ZC3H12B: variants seen among roughly 807,000 people sequenced by gnomAD.
ZC3H12B encodes zinc finger CCCH-type containing 12B, also known as probable ribonuclease ZC3H12B.
A neutral mutation model predicts 43.9 loss-of-function variants in ZC3H12B; 7 were observed. That is an observed-to-expected ratio of 0.16 (90% confidence interval 0.09 to 0.30). The LOEUF (loss-of-function observed/expected upper bound fraction) is 0.30, where lower values mean the gene tolerates loss of function less well. ZC3H12B is among the 10% of genes least tolerant of loss of function. The pLI is 1.00. For synonymous variants in ZC3H12B, 222 were observed against 241.7 expected (o/e 0.92, Z 0.76); for missense variants, 475 against 670.2 (o/e 0.71, Z 3.22).
chrX:65,213,008 AT>A, the ZC3H12B span, among the ~76,000 whole-genome samples: 6 of 106,802 alleles, frequency 5.6e-5, no homozygotes, highest in South Asian at 1.6e-3. Context: ...TGGTTTTTGA[AT>A]TTTTTTCACT....
At chrX:65,246,661 A>T in the ZC3H12B span, among the ~76,000 whole-genome samples, 1 of 112,383 alleles carries the variant, frequency 8.9e-6, no homozygotes, top group Non-Finnish European at 1.9e-5. Flanking sequence ...TGGGGAAAAG[A>T]TTCCTTGTTC....
At chrX:65,389,210 T>C (rs2066575573) in intron 2 of ZC3H12B, among the ~76,000 whole-genome samples, 1 of 112,434 alleles carries the variant, frequency 8.9e-6, no homozygotes, top group Non-Finnish European at 1.9e-5. Context: ...CTGCCTTTTG[T>C]TTGGCTATGC....
chrX:65,495,840 T>C (rs748828633), intron 1 of ZC3H12B, among the ~76,000 whole-genome samples: 5 of 112,288 alleles, frequency 4.5e-5, no homozygotes, highest in Non-Finnish European at 7.5e-5. Context: ...TCTCCTTTAT[T>C]TCATGTTCTG....
the ZC3H12B span, among the ~76,000 whole-genome samples, chrX:65,040,888 G>T: frequency 2.3e-4 from 25 of 110,900 alleles, no homozygotes; most frequent in Non-Finnish European, 1.5e-4. Flanking sequence ...TGGCTCAAGC[G>T]ATCCTCCCAC....
chrX:65,056,081 G>A, the ZC3H12B span, among the ~76,000 whole-genome samples: 8 of 111,460 alleles, frequency 7.2e-5, no homozygotes, highest in Non-Finnish European at 1.5e-4. Context: ...TTCTGTGTCT[G>A]TATCTCCTAC....
At chrX:65,255,181 A>T in the ZC3H12B span, among the ~76,000 whole-genome samples, 1 of 111,576 alleles carries the variant, frequency 9.0e-6, no homozygotes, top group Non-Finnish European at 1.9e-5. Flanking sequence ...TTCACTAAAG[A>T]GGCCAACATT....
chrX:65,207,042 C>T, the ZC3H12B span, among the ~76,000 whole-genome samples: 1 of 109,206 alleles, frequency 9.2e-6, no homozygotes, highest in African/African-American at 3.3e-5. Flanking sequence ...AAAGGGAACA[C>T]TTTTACACTG....
chrX:65,221,133 TA>T, the ZC3H12B span, among the ~76,000 whole-genome samples: 3 of 111,762 alleles, frequency 2.7e-5, no homozygotes, highest in African/African-American at 9.7e-5. Context: ...GATGGAAATT[TA>T]AAAAACTATT....
At chrX:65,133,350 G>A in the ZC3H12B span, among the ~76,000 whole-genome samples, 1 of 110,345 alleles carries the variant, frequency 9.1e-6, no homozygotes, top group African/African-American at 3.3e-5. Flanking sequence ...TGTCGGGAGT[G>A]GATTGGGTAA....
chrX:65,187,684 A>C, the ZC3H12B span, among the ~76,000 whole-genome samples: 1 of 106,251 alleles, frequency 9.4e-6, no homozygotes, highest in Non-Finnish European at 1.9e-5. Context: ...TTTTTCTGGT[A>C]CGTAGTAGGT....
chrX:65,504,971 T>C (rs1396425734), exon 5 of ZC3H12B: 5 of 112,694 alleles, frequency 4.4e-5, no homozygotes. Flanking sequence ...TGTTAAATAA[T>C]TGTTAAATGA....
At chrX:65,320,794 G>A in the ZC3H12B span, among the ~76,000 whole-genome samples, 1 of 112,052 alleles carries the variant, frequency 8.9e-6, no homozygotes, top group African/African-American at 3.2e-5. Flanking sequence ...ACAAGTAATG[G>A]GGAAGGGAGT....
chrX:65,197,469 A>T, the ZC3H12B span, among the ~76,000 whole-genome samples: 1 of 112,340 alleles, frequency 8.9e-6, no homozygotes, highest in Non-Finnish European at 1.9e-5. Flanking sequence ...TCCAAATTCA[A>T]TTTAAGTAAA....
the ZC3H12B span, among the ~76,000 whole-genome samples, chrX:65,287,822 T>C: frequency 9.1e-6 from 1 of 109,984 alleles, no homozygotes; most frequent in East Asian, 2.8e-4. Flanking sequence ...GAATTAATGA[T>C]GGCTAAAAAA....
the ZC3H12B span, among the ~76,000 whole-genome samples, chrX:65,269,217 C>G: frequency 1.8e-5 from 2 of 109,808 alleles, no homozygotes; most frequent in African/African-American, 3.3e-5. Context: ...TGGTGGTAAA[C>G]GCCTGTAGTC....
chrX:65,099,102 AG>A, the ZC3H12B span, among the ~76,000 whole-genome samples: 1 of 111,477 alleles, frequency 9.0e-6, no homozygotes, highest in Non-Finnish European at 1.9e-5. Flanking sequence ...GACCTTGCTA[AG>A]GACTGGGTGG....
At chrX:65,040,934 G>A in the ZC3H12B span, among the ~76,000 whole-genome samples, 3 of 110,674 alleles carry the variant, frequency 2.7e-5, no homozygotes, top group African/African-American at 6.6e-5. Context: ...ACAGGTGTGC[G>A]CCACCACGCC....
chrX:65,101,441 A>G, the ZC3H12B span, among the ~76,000 whole-genome samples: 1 of 112,041 alleles, frequency 8.9e-6, no homozygotes, highest in Non-Finnish European at 1.9e-5. Context: ...AAAAAAATCA[A>G]TGAATCGAGG....
the ZC3H12B span, among the ~76,000 whole-genome samples, chrX:65,338,211 A>C: frequency 9.0e-6 from 1 of 111,269 alleles, no homozygotes; most frequent in Non-Finnish European, 1.9e-5. Flanking sequence ...AGGCTCTCTC[A>C]TAAGGGTCGG....
Sources: allele counts gnomAD v4.1 joint callset (sites outside exome capture counted in the v4.1 genomes callset), GRCh38; gene constraint gnomAD v4.1.1; transcripts MANE v1.5; gene names NCBI Gene and HGNC (gene_info 2026-07-23, HGNC 2026-07-21).